MED27: variants seen among roughly 807,000 people sequenced by gnomAD.
MED27 encodes the protein mediator complex subunit 27, also known as mediator of RNA polymerase II transcription subunit 27.
MED27 carries 30 observed loss-of-function variants against 38.2 expected under a neutral mutation model. That is an observed-to-expected ratio of 0.79 (90% confidence interval 0.59 to 1.07). The LOEUF (loss-of-function observed/expected upper bound fraction) is 1.07, where lower values mean the gene tolerates loss of function less well. MED27 is among the 50% of genes least tolerant of loss of function. The pLI is 0.00. For synonymous variants in MED27, 122 were observed against 153.5 expected, an observed-to-expected ratio of 0.79 and a Z score of 1.52; for missense variants, 289 against 397.5, an observed-to-expected ratio of 0.73 and a Z score of 2.32.
At chr9:131,900,775 G>T (rs1050456234) in intron 4 of MED27, among the ~76,000 whole-genome samples, 4 of 151,834 alleles carry the variant, frequency 2.6e-5, no homozygotes, top group Non-Finnish European at 4.4e-5. Flanking sequence ...TATTAAAAAA[G>T]AATTAAAAAG....
intron 3 of MED27, among the ~76,000 whole-genome samples, chr9:131,956,239 T>C (rs912651254): frequency 2.6e-5 from 4 of 152,168 alleles, no homozygotes; most frequent in African/African-American, 4.8e-5. Context: ...AGACAGAAAG[T>C]AGAATGGTGG....
At chr9:132,037,311 A>T (rs998328328) in intron 2 of MED27, among the ~76,000 whole-genome samples, 3 of 152,188 alleles carry the variant, frequency 2.0e-5, no homozygotes, top group African/African-American at 7.2e-5. Flanking sequence ...TTTCTCAAAC[A>T]ACTTTCTGAT....
At chr9:131,906,619 T>G (rs1392824470) in intron 4 of MED27, among the ~76,000 whole-genome samples, 1 of 152,166 alleles carries the variant, frequency 6.6e-6, no homozygotes, top group Non-Finnish European at 1.5e-5. Flanking sequence ...GGCTGCTTTG[T>G]GGAGGCATCA....
chr9:131,963,012 A>G (rs975625758), intron 3 of MED27, among the ~76,000 whole-genome samples: 4 of 152,354 alleles, frequency 2.6e-5, no homozygotes, highest in East Asian at 1.9e-4. Flanking sequence ...GGTTTGCAAG[A>G]AAGTTTCTAA....
At chr9:131,956,614 CAA>C (rs754763103) in intron 3 of MED27, among the ~76,000 whole-genome samples, 18 of 64,564 alleles carry the variant, frequency 2.8e-4, no homozygotes, top group Admixed American at 3.5e-4. Flanking sequence ...GACTCCGCCT[CAA>C]AAAAAAAAAA....
rs370229758 is a variant in MED27 at position 131,968,175 on chromosome 9, C to T, written c.480-28701G>A. Reference sequence around the variant, plus strand: ...GGTCTTAAGCTAAAAGATATTTATGCTTATAAGAATGTTGAGACCAGGCAC... The same window carrying T: ...GGTCTTAAGCTAAAAGATATTTATGTTTATAAGAATGTTGAGACCAGGCAC... On this transcript the variant is annotated intron_variant, in intron 3 of 7. Transcript: ENST00000292035. Among the ~76,000 whole-genome samples the T allele has an allele frequency of 5.9e-5, 9 of 151,990 alleles. No homozygotes were observed. In the South Asian group the frequency reaches 8.3e-4, roughly 14 times the overall value.
In MED27 at chr9:132,049,898, G is replaced by T. The variant is rs538441323; in HGVS notation, c.348+27544C>A. Among the ~76,000 whole-genome samples the T allele has an allele frequency of 3.3e-5, 5 of 152,236 alleles. No homozygotes were observed. The South Asian group carries it at 1.0e-3, about 32-fold the overall frequency. On this transcript the variant is annotated intron_variant, in intron 2 of 7. Transcript: ENST00000292035. The stretch of plus-strand genomic sequence containing the variant: ...CAAAAAAGGTAAAATTTCTTCTAAA[G>T]AATCCAGAATTGGAATGTCTGTATG...
intron 2 of MED27, among the ~76,000 whole-genome samples, chr9:132,026,057 G>T (rs1199675578): frequency 6.6e-6 from 1 of 152,178 alleles, no homozygotes; most frequent in African/African-American, 2.4e-5. Flanking sequence ...ACTCCAATGT[G>T]CATGTTCCCT....
intron 3 of MED27, among the ~76,000 whole-genome samples, chr9:132,000,909 A>C (rs1176958164): frequency 6.6e-6 from 1 of 151,972 alleles, no homozygotes; most frequent in East Asian, 1.9e-4. Context: ...ACAAACAAAC[A>C]AACCAGTATA....
At chr9:131,941,816 A>ATTTTTTTT (rs1314056151) in intron 3 of MED27, among the ~76,000 whole-genome samples, 2 of 98,618 alleles carry the variant, frequency 2.0e-5, no homozygotes, top group South Asian at 3.5e-4. Context: ...CATTCTGCTG[A>ATTTTTTTT]ATTTTTTTTT....
At chr9:131,951,496 C>T (rs981894482) in intron 3 of MED27, among the ~76,000 whole-genome samples, 6 of 152,230 alleles carry the variant, frequency 3.9e-5, no homozygotes. Flanking sequence ...TTCAGCACAA[C>T]AGAGTCTGAA....
intron 2 of MED27, chr9:132,073,735 T>G: frequency 6.6e-7 from 1 of 1,516,990 alleles, no homozygotes; most frequent in East Asian, 2.5e-5. Context: ...AATAGAAAGT[T>G]GCTCTTTCTG....
intron 2 of MED27, among the ~76,000 whole-genome samples, chr9:132,058,935 C>G (rs1005147330): frequency 8.5e-5 from 13 of 152,214 alleles, no homozygotes; most frequent in Non-Finnish European, 1.5e-4. Flanking sequence ...GCGTCTTACA[C>G]TTTATGGCAC....
At position 131,948,136 on chromosome 9, in the gene MED27, A is replaced by G. The variant is rs550308050; in HGVS notation, c.480-8662T>C. ...CTCAGATTTATAAAATATTTATATC[A>G]CGGTTGTGAAACATTTCTGATTATT... On this transcript the variant is annotated intron_variant, in intron 3 of 7. Coordinates refer to ENST00000292035, the MANE Select transcript of MED27 (RefSeq NM_004269.4). Among the ~76,000 whole-genome samples, 4 of 152,364 alleles carry G rather than the reference A, an allele frequency of 2.6e-5. No homozygotes were observed. In the South Asian group the frequency reaches 8.3e-4, roughly 32 times the overall value.
chr9:131,916,932 C>T (rs1008692887), intron 4 of MED27, among the ~76,000 whole-genome samples: 8 of 152,216 alleles, frequency 5.3e-5, no homozygotes, highest in Middle Eastern at 3.4e-3. Flanking sequence ...GGGGCTATCT[C>T]GGCCTGGAAA....
chr9:131,973,137 C>T (rs1012751747), intron 3 of MED27, among the ~76,000 whole-genome samples: 1 of 152,218 alleles, frequency 6.6e-6, no homozygotes, highest in African/African-American at 2.4e-5. Context: ...TTCTAGTACA[C>T]TTTTTTCTTT....
intron 6 of MED27, among the ~76,000 whole-genome samples, chr9:131,881,908 A>C (rs1233237595): frequency 7.0e-6 from 1 of 142,780 alleles, no homozygotes. Context: ...GGCGCCCGCC[A>C]CCACGCCTGG....
chr9:131,900,638 G>A (rs940587175), intron 4 of MED27, among the ~76,000 whole-genome samples: 7 of 152,038 alleles, frequency 4.6e-5, no homozygotes, highest in Non-Finnish European at 8.8e-5. Flanking sequence ...CGAGGAACCC[G>A]GGGCCAGATA....
intron 2 of MED27, among the ~76,000 whole-genome samples, chr9:132,034,500 A>G (rs1833030643): frequency 6.6e-6 from 1 of 152,202 alleles, no homozygotes; most frequent in Non-Finnish European, 1.5e-5. Flanking sequence ...GCAACTTAAG[A>G]AATGTTCTGG....
Sources: gnomAD v4.1 joint callset for allele counts (sites outside exome capture counted in the v4.1 genomes callset) on GRCh38, gnomAD v4.1.1 for gene constraint, MANE v1.5 for transcripts, NCBI Gene and HGNC (gene_info 2026-07-23, HGNC 2026-07-21) for gene names.